ACOXL: variants seen among roughly 807,000 people sequenced by gnomAD.
ACOXL encodes acyl-coenzyme A oxidase-like protein.
Under a neutral mutation model 71.9 loss-of-function variants are expected in ACOXL, and 70 were observed. The ratio of observed to expected loss-of-function variants is 0.97; its 90% CI spans 0.80 to 1.19. The LOEUF is 1.19. ACOXL is among the 50% of genes most tolerant of loss of function. The probability of loss-of-function intolerance (pLI) is 0.00; values close to 1 mark genes in which losing one functional copy is unlikely to be tolerated. For missense variants in ACOXL, 703 were observed against 736.3 expected (o/e 0.95, Z 0.52); for synonymous variants, 253 against 281.6 (o/e 0.90, Z 1.02).
intron 8 of ACOXL, among the ~76,000 whole-genome samples, chr2:110,802,497 C>T (rs1686125071): frequency 6.6e-6 from 1 of 152,182 alleles, no homozygotes; most frequent in South Asian, 2.1e-4. Context: ...CATGGGTTTC[C>T]CTTGAATGCT....
intron 11 of ACOXL, among the ~76,000 whole-genome samples, chr2:110,918,709 AAAAC>A (rs1173864848): frequency 1.3e-5 from 2 of 152,246 alleles, no homozygotes; most frequent in African/African-American, 4.8e-5. Context: ...TTAGAAGAAA[AAAAC>A]AAACAGCCAT....
chr2:110,876,862 AC>A (rs1695980559), intron 10 of ACOXL, among the ~76,000 whole-genome samples: 1 of 152,328 alleles, frequency 6.6e-6, no homozygotes, highest in East Asian at 1.9e-4. Context: ...TGAAAATCTC[AC>A]CTTTGTGGAG....
At chr2:111,022,800 C>T (rs368480201) in intron 14 of ACOXL, among the ~76,000 whole-genome samples, 3 of 151,986 alleles carry the variant, frequency 2.0e-5, no homozygotes, top group East Asian at 1.9e-4. Flanking sequence ...GAGGTGACCA[C>T]GCTGGAAGCC....
At chr2:110,828,837 G>A (rs1689477640) in intron 9 of ACOXL, among the ~76,000 whole-genome samples, 1 of 151,894 alleles carries the variant, frequency 6.6e-6, no homozygotes, top group Admixed American at 6.5e-5. Flanking sequence ...TTGAGATGGA[G>A]TTTTGTTCTT....
intron 11 of ACOXL, among the ~76,000 whole-genome samples, chr2:110,931,838 CA>C (rs1428305377): frequency 1.3e-5 from 2 of 152,204 alleles, no homozygotes; most frequent in Non-Finnish European, 2.9e-5. Context: ...TGTAAAATTG[CA>C]TAACCACTTT....
intron 1 of ACOXL, among the ~76,000 whole-genome samples, chr2:110,766,491 TG>T (rs1285854005): frequency 6.6e-6 from 1 of 152,160 alleles, no homozygotes; most frequent in East Asian, 1.9e-4. Context: ...CCCTCCCCAC[TG>T]GGCTGAGCTG....
chr2:110,925,516 C>T (rs536631448), intron 11 of ACOXL, among the ~76,000 whole-genome samples: 6 of 152,172 alleles, frequency 3.9e-5, no homozygotes, highest in Admixed American at 6.6e-5. Context: ...AATCAAGAAC[C>T]AATTTAGCCT....
chr2:110,966,812 A>G (rs2061951582), intron 12 of ACOXL, among the ~76,000 whole-genome samples: 1 of 152,238 alleles, frequency 6.6e-6, no homozygotes, highest in Non-Finnish European at 1.5e-5. Flanking sequence ...AGCAGGGCCT[A>G]GAGGGAACAG....
At chr2:111,011,178 A>G (rs910790018) in intron 14 of ACOXL, among the ~76,000 whole-genome samples, 1 of 152,218 alleles carries the variant, frequency 6.6e-6, no homozygotes, top group African/African-American at 2.4e-5. Flanking sequence ...TGTAAATGGA[A>G]TTATGCTATT....
At chr2:110,783,608 AAC>A (rs914745737) in intron 2 of ACOXL, among the ~76,000 whole-genome samples, 4 of 150,368 alleles carry the variant, frequency 2.7e-5, no homozygotes, top group Non-Finnish European at 4.5e-5. Context: ...GCAGTGTAGA[AAC>A]ACAGACACAC....
At chr2:110,872,543 G>A (rs779632202) in intron 10 of ACOXL, among the ~76,000 whole-genome samples, 11 of 152,250 alleles carry the variant, frequency 7.2e-5, no homozygotes, top group Admixed American at 2.0e-4. Context: ...TTTAGGTCAC[G>A]TTGATGGGAG....
In ACOXL at chr2:110,821,287, T is replaced by TC. The variant is rs1688569503; in HGVS notation, c.753+15892_753+15893insC. On this transcript the variant is annotated intron_variant, in intron 9 of 17. Transcript: ENST00000439055. ...CAAAATACTTTCTCTCTCTCTCTCT[T>TC]TTTTTTTAACATATTTCTGCTAGTT... Among the ~76,000 whole-genome samples, 8 of 151,072 alleles carry TC rather than the reference T, an allele frequency of 5.3e-5. No individual in the cohort carries two copies. In the South Asian group the frequency reaches 1.7e-3, roughly 32 times the overall value.
chr2:110,972,854 G>T (rs113854449), intron 12 of ACOXL, among the ~76,000 whole-genome samples: 3 of 152,228 alleles, frequency 2.0e-5, no homozygotes, highest in African/African-American at 7.2e-5. Context: ...GAGACTCCGT[G>T]TCCATGGTTT....
intron 12 of ACOXL, among the ~76,000 whole-genome samples, chr2:110,936,088 G>A (rs1324233416): frequency 6.6e-6 from 1 of 152,022 alleles, no homozygotes; most frequent in African/African-American, 2.4e-5. Context: ...GTTCCTAATA[G>A]GCCATGGTCT....
chr2:110,763,317 G>A (rs557176433), intron 1 of ACOXL, among the ~76,000 whole-genome samples: 2 of 152,206 alleles, frequency 1.3e-5, no homozygotes, highest in South Asian at 4.1e-4. Context: ...AAAATGTATA[G>A]TGGTGGTGAA....
At chr2:110,750,167 G>A (rs528798847) in intron 1 of ACOXL, among the ~76,000 whole-genome samples, 27 of 152,306 alleles carry the variant, frequency 1.8e-4, no homozygotes, top group East Asian at 9.6e-4. Context: ...TTCAAGTTGG[G>A]TGAGTGGGTA....
intron 10 of ACOXL, among the ~76,000 whole-genome samples, chr2:110,894,854 C>T (rs111559360): frequency 2.0e-5 from 3 of 152,332 alleles, no homozygotes; most frequent in African/African-American, 7.2e-5. Context: ...CCAGCACCAT[C>T]ACTTGGGTAA....
intron 9 of ACOXL, among the ~76,000 whole-genome samples, chr2:110,836,371 A>G (rs1162567445): frequency 1.3e-5 from 2 of 151,068 alleles, no homozygotes; most frequent in Admixed American, 1.3e-4. Context: ...CTGTGTGTCC[A>G]TGGCTCTCTT....
At chr2:110,739,365 C>G (rs1573271732) in intron 1 of ACOXL, among the ~76,000 whole-genome samples, 1 of 152,218 alleles carries the variant, frequency 6.6e-6, no homozygotes, top group African/African-American at 2.4e-5. Context: ...AATCCTCCTT[C>G]CTGAGACCTT....
Sources: allele counts gnomAD v4.1 joint callset (sites outside exome capture counted in the v4.1 genomes callset), GRCh38; gene constraint gnomAD v4.1.1; transcripts MANE v1.5; gene names NCBI Gene and HGNC (gene_info 2026-07-23, HGNC 2026-07-21).